The following TRIP12 variants were observed in gnomAD, a reference collection of about 807,000 sequenced individuals.
TRIP12 encodes thyroid hormone receptor interactor 12, also known as E3 ubiquitin-protein ligase TRIP12.
A neutral mutation model predicts 244.2 loss-of-function variants in TRIP12; 25 were observed. The observed-to-expected ratio is 0.10, with a 90% CI of 0.07 to 0.14. TRIP12 has a LOEUF of 0.14. Among genes scored for constraint, TRIP12 ranks in the 10% least tolerant of loss-of-function variants. The probability of loss-of-function intolerance (pLI) is 1.00; values close to 1 mark genes in which losing one functional copy is unlikely to be tolerated. For synonymous variants in TRIP12, 905 were observed against 873.1 expected (o/e 1.04, Z -0.64); for missense variants, 1,677 against 2,486.4 (o/e 0.67, Z 6.92).
At chr2:229,832,332 A>G (rs2053659259) in intron 6 of TRIP12, among the ~76,000 whole-genome samples, 1 of 152,250 alleles carries the variant, frequency 6.6e-6, no homozygotes. Flanking sequence ...TACAGAATTG[A>G]GTACTTGCAA....
At chr2:229,810,841 C>T in intron 15 of TRIP12, 39 bp downstream of exon 15, 1 of 1,600,180 alleles carries the variant, frequency 6.2e-7, no homozygotes, top group Non-Finnish European at 8.5e-7. Flanking sequence ...GAAGAACCAA[C>T]TTTTCCTGCT....
chr2:229,807,566 G>T, intron 17 of TRIP12, 142 bp downstream of exon 17: 1 of 1,072,534 alleles, frequency 9.3e-7, no homozygotes, highest in Non-Finnish European at 1.4e-6. Flanking sequence ...TGAGGACCTT[G>T]TTCTCAGGAG....
intron 33 of TRIP12, 130 bp from the exon 34 acceptor site, chr2:229,785,985 T>A: frequency 1.4e-6 from 1 of 735,404 alleles, no homozygotes; most frequent in Non-Finnish European, 2.0e-6. Context: ...CTTAAACAGG[T>A]AACTCAGAAA....
At chr2:229,773,075 A>C (rs1215387697) in intron 38 of TRIP12, among the ~76,000 whole-genome samples, 1 of 147,052 alleles carries the variant, frequency 6.8e-6, no homozygotes, top group Non-Finnish European at 1.5e-5. Flanking sequence ...ATTAATATAT[A>C]CATGCTTTTT....
chr2:229,817,056 ACT>A (rs535303198), intron 9 of TRIP12, among the ~76,000 whole-genome samples: 3 of 152,088 alleles, frequency 2.0e-5, no homozygotes, highest in Non-Finnish European at 2.9e-5. Flanking sequence ...CCTTTATCAA[ACT>A]CTGCCAGAGC....
At chr2:229,858,346 GA>G (rs2059961298) in intron 4 of TRIP12, among the ~76,000 whole-genome samples, 1 of 152,198 alleles carries the variant, frequency 6.6e-6, no homozygotes, top group African/African-American at 2.4e-5. Flanking sequence ...CTAGGCGACA[GA>G]GTGAGACTCC....
At chr2:229,856,968 C>G (rs1344256900) in intron 4 of TRIP12, among the ~76,000 whole-genome samples, 1 of 152,158 alleles carries the variant, frequency 6.6e-6, no homozygotes, top group African/African-American at 2.4e-5. Flanking sequence ...ACAGGTTAAA[C>G]ATAAAATTTT....
chr2:229,783,917 C>T (rs1277349314), intron 34 of TRIP12, among the ~76,000 whole-genome samples: 2 of 151,314 alleles, frequency 1.3e-5, no homozygotes, highest in Non-Finnish European at 2.9e-5. Context: ...TCGAGACCAG[C>T]CTGACCAACA....
intron 1 of TRIP12, among the ~76,000 whole-genome samples, chr2:229,881,336 T>C (rs2064836706): frequency 6.6e-6 from 1 of 152,162 alleles, no homozygotes; most frequent in South Asian, 2.1e-4. Flanking sequence ...ACAAATAAAA[T>C]CTTGCACTAT....
At chr2:229,809,418 A>G (rs1444077419) in intron 15 of TRIP12, among the ~76,000 whole-genome samples, 1 of 152,218 alleles carries the variant, frequency 6.6e-6, no homozygotes, top group African/African-American at 2.4e-5. Flanking sequence ...CATATGATAA[A>G]CATGTGGTAA....
intron 39 of TRIP12, among the ~76,000 whole-genome samples, chr2:229,769,644 T>C (rs1474907202): frequency 6.6e-6 from 1 of 152,112 alleles, no homozygotes; most frequent in Non-Finnish European, 1.5e-5. Flanking sequence ...TTAGGTGCTT[T>C]AAATGGATAA....
intron 1 of TRIP12, among the ~76,000 whole-genome samples, chr2:229,914,293 T>TA (rs368667653): frequency 7.9e-5 from 12 of 152,280 alleles, no homozygotes; most frequent in African/African-American, 2.9e-4. Flanking sequence ...GCAAAAATGC[T>TA]AAAAAGTTGC....
chr2:229,801,873 G>A (rs1236390970), intron 21 of TRIP12, among the ~76,000 whole-genome samples: 5 of 152,104 alleles, frequency 3.3e-5, no homozygotes, highest in Non-Finnish European at 7.4e-5. Flanking sequence ...ATATCTGGAT[G>A]TCTCTGAGGT....
chr2:229,814,226 C>T lies in TRIP12; in HGVS notation c.1824+7G>A, dbSNP rs376464482. On this transcript the variant is annotated splice_region_variant and intron_variant, in intron 12 of 41. Transcript: ENST00000675903. Reference sequence around the variant, plus strand: ...GAAATGTAGTCCCCTTCAGTAACAACACTTACCGCCTGTAGAATGGCTTTA... The same window carrying T: ...GAAATGTAGTCCCCTTCAGTAACAATACTTACCGCCTGTAGAATGGCTTTA... The T allele has an allele frequency of 2.5e-6, 4 of 1,613,648 alleles. No homozygotes were observed. In the African/African-American group the frequency reaches 5.3e-5, roughly 22 times the overall value.
intron 8 of TRIP12, among the ~76,000 whole-genome samples, chr2:229,828,170 T>C (rs2052256347): frequency 6.6e-6 from 1 of 152,130 alleles, no homozygotes; most frequent in South Asian, 2.1e-4. Context: ...AGATTAAATA[T>C]GAAGTAGGCA....
chr2:229,903,798 T>C (rs1385811644), intron 1 of TRIP12, among the ~76,000 whole-genome samples: 2 of 151,140 alleles, frequency 1.3e-5, no homozygotes, highest in Non-Finnish European at 2.9e-5. Context: ...GACAGATCAC[T>C]TGAGCTCAGG....
At chr2:229,861,587 C>T (rs920013459) in intron 2 of TRIP12, among the ~76,000 whole-genome samples, 66 of 152,096 alleles carry the variant, frequency 4.3e-4, no homozygotes, top group Non-Finnish European at 8.8e-5. Context: ...AGAAATGAGT[C>T]ACTGAAAATC....
intron 1 of TRIP12, among the ~76,000 whole-genome samples, chr2:229,920,496 A>C (rs2076296887): frequency 6.6e-6 from 1 of 151,962 alleles, no homozygotes; most frequent in African/African-American, 2.4e-5. Flanking sequence ...ACCTTTACAC[A>C]CAAACACATT....
chr2:229,892,797 T>C (rs190441543), intron 1 of TRIP12, among the ~76,000 whole-genome samples: 47 of 152,100 alleles, frequency 3.1e-4, no homozygotes, highest in African/African-American at 1.0e-3. Context: ...GCCCAGGAGA[T>C]GGAGACTGCA....
Sources: gnomAD v4.1 joint callset for allele counts (sites outside exome capture counted in the v4.1 genomes callset) on GRCh38, gnomAD v4.1.1 for gene constraint, MANE v1.5 for transcripts, NCBI Gene and HGNC (gene_info 2026-07-23, HGNC 2026-07-21) for gene names.